CACNG4: variants seen among roughly 807,000 people sequenced by gnomAD.
CACNG4 encodes calcium voltage-gated channel auxiliary subunit gamma 4.
In CACNG4, 8 loss-of-function variants were observed where a neutral mutation model predicts 22.9. The observed-to-expected ratio is 0.35, with a 90% CI of 0.21 to 0.63. CACNG4 has a LOEUF of 0.63. Ranked by LOEUF, CACNG4 falls within the 30% of genes least tolerant of loss-of-function variation. The pLI, the probability that CACNG4 is intolerant of heterozygous loss-of-function variation, is 0.72. For missense variants in CACNG4, 357 were observed against 455.4 expected, an observed-to-expected ratio of 0.78 and a Z score of 1.97; for synonymous variants, 188 against 191.9, an observed-to-expected ratio of 0.98 and a Z score of 0.17.
intron 1 of CACNG4, among the ~76,000 whole-genome samples, chr17:66,971,492 A>G (rs1388463370): frequency 6.6e-6 from 1 of 152,208 alleles, no homozygotes; most frequent in Non-Finnish European, 1.5e-5. Flanking sequence ...AGCTGCAGAA[A>G]GGACAGACAG....
At chr17:67,022,816 C>A (rs1007693957) in intron 2 of CACNG4, among the ~76,000 whole-genome samples, 2 of 152,214 alleles carry the variant, frequency 1.3e-5, no homozygotes, top group Non-Finnish European at 2.9e-5. Context: ...GCCTTGCTTC[C>A]CTCCCTCTCG....
At chr17:66,979,640 A>T (rs1390516791) in intron 1 of CACNG4, among the ~76,000 whole-genome samples, 2 of 152,158 alleles carry the variant, frequency 1.3e-5, no homozygotes, top group South Asian at 2.1e-4. Flanking sequence ...GAGAGGAAAA[A>T]ATATAAACCC....
intron 1 of CACNG4, among the ~76,000 whole-genome samples, chr17:66,996,934 G>A (rs775247273): frequency 5.3e-5 from 8 of 152,140 alleles, no homozygotes; most frequent in South Asian, 4.1e-4. Flanking sequence ...ATAAGGGGAC[G>A]AGGGCAGGAC....
At position 67,018,178 on chromosome 17, in the gene CACNG4, G is replaced by T. The variant is rs753019358; in HGVS notation, c.221-11G>T. On this transcript the variant is annotated splice_polypyrimidine_tract_variant and intron_variant, in intron 1 of 3. Coordinates refer to ENST00000262138, the MANE Select transcript of CACNG4 (RefSeq NM_014405.4). ...GCATTTACAGTGTTCTTTTCCTCTC[G>T]TTCCTTCCAGGGATCTATAAAGGGC... is the stretch of plus-strand genomic sequence containing the variant. 14 of 1,608,234 alleles carry T rather than the reference G, an allele frequency of 8.7e-6. No homozygotes were observed. Among genetic ancestry groups the T allele is most frequent in the East Asian group, 2.2e-5 (1 of 44,854 alleles).
chr17:66,995,420 C>T lies in CACNG4; in HGVS notation c.221-22769C>T, dbSNP rs373381966. On this transcript the variant is annotated intron_variant, in intron 1 of 3. Transcript: ENST00000262138. ...GCCCCAGCTAAGCAAAAGGGAGGCA[C>T]TGGAAGGGCAGAATGGAACCTTGCA... Among the ~76,000 whole-genome samples, 46 of 152,230 alleles carry T rather than the reference C, an allele frequency of 3.0e-4. No homozygotes were observed. The South Asian group carries it at 9.3e-3, about 31-fold the overall frequency.
At chr17:66,981,085 G>A (rs2035269605) in intron 1 of CACNG4, among the ~76,000 whole-genome samples, 1 of 152,178 alleles carries the variant, frequency 6.6e-6, no homozygotes, top group African/African-American at 2.4e-5. Flanking sequence ...TTGTGGCAGT[G>A]AGTCAGTTGA....
intron 2 of CACNG4, chr17:67,021,678 C>T (rs1365980577): frequency 6.6e-6 from 1 of 152,368 alleles, no homozygotes; most frequent in African/African-American, 2.4e-5. Context: ...TGCCCTGGGC[C>T]TGGTGCCCCT....
At chr17:67,009,278 G>A (rs948921847) in intron 1 of CACNG4, among the ~76,000 whole-genome samples, 5 of 152,086 alleles carry the variant, frequency 3.3e-5, no homozygotes, top group East Asian at 1.9e-4. Flanking sequence ...ATGATACTTC[G>A]TTAAAGTAAC....
At chr17:66,985,948 AAAAAAG>A in intron 1 of CACNG4, among the ~76,000 whole-genome samples, 1 of 151,880 alleles carries the variant, frequency 6.6e-6, no homozygotes, top group Non-Finnish European at 1.5e-5. Context: ...AAAAGGAAAA[AAAAAAG>A]AAGAAGAAGA....
At chr17:66,992,264 C>T (rs992737257) in intron 1 of CACNG4, among the ~76,000 whole-genome samples, 1 of 152,068 alleles carries the variant, frequency 6.6e-6, no homozygotes, top group Non-Finnish European at 1.5e-5. Flanking sequence ...GAATAGGTCC[C>T]ATAGATTGGG....
intron 1 of CACNG4, among the ~76,000 whole-genome samples, chr17:66,987,955 G>T (rs1260660829): frequency 6.6e-6 from 1 of 152,052 alleles, no homozygotes; most frequent in Non-Finnish European, 1.5e-5. Flanking sequence ...GTCCCAGTGT[G>T]TGCATACTCT....
chr17:67,013,656 T>G (rs939392844), intron 1 of CACNG4, among the ~76,000 whole-genome samples: 6 of 151,916 alleles, frequency 3.9e-5, no homozygotes, highest in Admixed American at 3.9e-4. Flanking sequence ...AATACAAAAA[T>G]TAGCCAGGCT....
intron 1 of CACNG4, among the ~76,000 whole-genome samples, chr17:67,015,405 C>T (rs745983528): frequency 1.1e-4 from 17 of 152,042 alleles, no homozygotes; most frequent in Non-Finnish European, 1.2e-4. Flanking sequence ...TGGGGCTGTG[C>T]GAGGGCAGCG....
intron 1 of CACNG4, among the ~76,000 whole-genome samples, chr17:67,013,204 G>A (rs1428998326): frequency 6.6e-6 from 1 of 152,184 alleles, no homozygotes; most frequent in East Asian, 1.9e-4. Context: ...GTCATGGAAG[G>A]AGAGGCTCAA....
chr17:67,025,895 G>C (rs962648730), intron 3 of CACNG4, among the ~76,000 whole-genome samples: 28 of 151,064 alleles, frequency 1.9e-4, no homozygotes, highest in African/African-American at 6.1e-4. Context: ...GGGAGCCAAG[G>C]TGCCGGGCCC....
chr17:67,025,802 G>C (rs1021011608), intron 3 of CACNG4, among the ~76,000 whole-genome samples: 1 of 152,204 alleles, frequency 6.6e-6, no homozygotes, highest in Non-Finnish European at 1.5e-5. Context: ...TCCTGGAGAG[G>C]GTAGATGACT....
At chr17:67,029,197 T>C (rs1567760958) in intron 3 of CACNG4, among the ~76,000 whole-genome samples, 1 of 151,958 alleles carries the variant, frequency 6.6e-6, no homozygotes, top group Non-Finnish European at 1.5e-5. Flanking sequence ...CCAGGCATGG[T>C]GGTGCGTGCC....
At chr17:67,014,179 A>G (rs1023715704) in intron 1 of CACNG4, among the ~76,000 whole-genome samples, 2 of 152,170 alleles carry the variant, frequency 1.3e-5, no homozygotes, top group Non-Finnish European at 2.9e-5. Context: ...GGATCTCACA[A>G]TTAGCCACCC....
intron 1 of CACNG4, among the ~76,000 whole-genome samples, chr17:67,011,480 A>G (rs2035467618): frequency 6.6e-6 from 1 of 152,030 alleles, no homozygotes; most frequent in Non-Finnish European, 1.5e-5. Flanking sequence ...GCTGATATTC[A>G]TTTATTTTAT....
Sources: allele counts gnomAD v4.1 joint callset (sites outside exome capture counted in the v4.1 genomes callset), GRCh38; gene constraint gnomAD v4.1.1; transcripts MANE v1.5; gene names NCBI Gene and HGNC (gene_info 2026-07-23, HGNC 2026-07-21).